Variants in CD82 observed in about 807,000 individuals in gnomAD.
CD82 encodes the protein CD82 molecule.
A neutral mutation model predicts 37.4 loss-of-function variants in CD82; 36 were observed. The ratio of observed to expected loss-of-function variants is 0.96; its 90% CI spans 0.74 to 1.27. The LOEUF (loss-of-function observed/expected upper bound fraction) is 1.27. Among genes scored for constraint, CD82 ranks in the 50% most tolerant of loss-of-function variants. The pLI, the probability that CD82 is intolerant of heterozygous loss-of-function variation, is 0.00. For synonymous variants in CD82, 158 were observed against 137.4 expected, an observed-to-expected ratio of 1.15 and a Z score of -1.05; for missense variants, 340 against 347.0, an observed-to-expected ratio of 0.98 and a Z score of 0.16.
chr11:44,566,755 G>A (rs1000948452), intron 1 of CD82, among the ~76,000 whole-genome samples: 1 of 152,172 alleles, frequency 6.6e-6, no homozygotes, highest in African/African-American at 2.4e-5. Flanking sequence ...TTTGATGCGG[G>A]TGGGCAGGTG....
At chr11:44,573,303 A>G (rs1852842178) in intron 1 of CD82, 1 of 152,240 alleles carries the variant, frequency 6.6e-6, no homozygotes, top group African/African-American at 2.4e-5. Context: ...ATACTAGTAC[A>G]GTTGGAAAAC....
chr11:44,586,885 C>G (rs2134641607), intron 1 of CD82, among the ~76,000 whole-genome samples: 1 of 152,342 alleles, frequency 6.6e-6, no homozygotes, highest in Non-Finnish European at 1.5e-5. Flanking sequence ...CTCTGGGAAA[C>G]AGGGTGAGTG....
intron 1 of CD82, chr11:44,565,976 G>C (rs1852729149): frequency 6.6e-6 from 1 of 152,252 alleles, no homozygotes; most frequent in Non-Finnish European, 1.5e-5. Flanking sequence ...GACCTCCCGG[G>C]TTCCAGCAGG....
intron 7 of CD82, among the ~76,000 whole-genome samples, chr11:44,617,707 C>T (rs1421736729): frequency 6.6e-6 from 1 of 152,180 alleles, no homozygotes; most frequent in Non-Finnish European, 1.5e-5. Flanking sequence ...TTGTGCTCCC[C>T]ACACCTATGC....
Position 44,618,654 on chromosome 11 carries a change from G to C in CD82, c.657G>C (p.Lys219Asn). ...WPVYQEGCME[K>N]VQAWLQENLG... is the part of the protein sequence containing the mutation. Reference sequence around the variant, plus strand: ...TGCCCTTGCAGGGCTGCATGGAGAAGGTGCAGGCGTGGCTGCAGGAGAACC... The same window carrying C: ...TGCCCTTGCAGGGCTGCATGGAGAACGTGCAGGCGTGGCTGCAGGAGAACC... The change falls in exon 9 of 10, where the codon AAG becomes AAC. Residue 219 changes from lysine (K) to asparagine (N), a missense_variant. Transcript: ENST00000227155. 6.2e-7 allele frequency: 1 copy of C among 1,612,280 alleles called. No homozygotes were observed.
intron 2 of CD82, among the ~76,000 whole-genome samples, chr11:44,594,427 G>T (rs1389054119): frequency 2.0e-5 from 3 of 151,948 alleles, no homozygotes; most frequent in Non-Finnish European, 4.4e-5. Context: ...TGCAGTGGCT[G>T]ATCCGGATCC....
intron 1 of CD82, among the ~76,000 whole-genome samples, chr11:44,577,535 G>T (rs1292707528): frequency 6.6e-6 from 1 of 152,082 alleles, no homozygotes; most frequent in South Asian, 2.1e-4. Context: ...CCCCTGCAGG[G>T]TCTGGCAGGG....
intron 3 of CD82, among the ~76,000 whole-genome samples, chr11:44,595,849 T>A (rs1473924333): frequency 6.9e-6 from 1 of 145,298 alleles, no homozygotes; most frequent in African/African-American, 2.6e-5. Flanking sequence ...GCAGGAGGAT[T>A]GTTTGAGTCC....
intron 6 of CD82, among the ~76,000 whole-genome samples, chr11:44,614,251 A>G (rs2134690466): frequency 6.6e-6 from 1 of 152,276 alleles, no homozygotes; most frequent in Non-Finnish European, 1.5e-5. Flanking sequence ...CCCTCCAGGC[A>G]TCTACCCTGC....
intron 7 of CD82, 38 bp from the exon 8 acceptor site, chr11:44,618,124 G>A: frequency 6.3e-7 from 1 of 1,597,320 alleles, no homozygotes; most frequent in Non-Finnish European, 8.6e-7. Context: ...CCTAGGGTGA[G>A]CCGTGAGCAC....
At chr11:44,606,537 C>G (rs560444451) in intron 6 of CD82, 1 of 151,502 alleles carries the variant, frequency 6.6e-6, no homozygotes, top group South Asian at 2.1e-4. Flanking sequence ...CCCCTGGTTG[C>G]AAAAGAGGCT....
intron 1 of CD82, among the ~76,000 whole-genome samples, chr11:44,570,697 G>T (rs984668681): frequency 1.4e-5 from 2 of 138,456 alleles, no homozygotes; most frequent in African/African-American, 5.6e-5. Context: ...CAGAGCTTCT[G>T]CTTCTCTTCC....
intron 1 of CD82, among the ~76,000 whole-genome samples, chr11:44,569,326 C>T (rs991361511): frequency 6.6e-6 from 1 of 152,110 alleles, no homozygotes; most frequent in Non-Finnish European, 1.5e-5. Flanking sequence ...CTGGCTGGTT[C>T]CTGACTCACC....
chr11:44,575,644 G>T (rs1298909368), intron 1 of CD82, among the ~76,000 whole-genome samples: 1 of 152,158 alleles, frequency 6.6e-6, no homozygotes, highest in African/African-American at 2.4e-5. Flanking sequence ...ATGGGGCAGG[G>T]TGGGGTTCTG....
chr11:44,589,198 A>G (rs1033606130), intron 2 of CD82, among the ~76,000 whole-genome samples: 4 of 152,218 alleles, frequency 2.6e-5, no homozygotes, highest in Non-Finnish European at 5.9e-5. Flanking sequence ...GGAGGTTGCC[A>G]TGAGCCAAGA....
chr11:44,597,435 G>T lies in CD82; in HGVS notation c.63+2710G>T, dbSNP rs1244243967. Among the ~76,000 whole-genome samples, 1 of 152,254 alleles carries T rather than the reference G, an allele frequency of 6.6e-6. No individual in the cohort carries two copies. The highest frequency in any genetic ancestry group is 1.5e-5 in the Non-Finnish European group (1 of 68,042). On this transcript the variant is annotated intron_variant, in intron 3 of 9. Transcript: ENST00000227155. The surrounding 1 kb of genome is among the most constrained non-coding windows in gnomAD (Gnocchi z 4.1). ...ACAGAGAAAAAGGGGGTGCCATGGT[G>T]CCTTGCCCATTCTGGTAGGCTGCCC...
intron 3 of CD82, among the ~76,000 whole-genome samples, chr11:44,598,096 T>C (rs948473541): frequency 6.6e-6 from 1 of 152,020 alleles, no homozygotes; most frequent in South Asian, 2.1e-4. Flanking sequence ...AAATTCCGTG[T>C]GTATAAAATG....
intron 2 of CD82, among the ~76,000 whole-genome samples, chr11:44,593,037 G>A (rs960410072): frequency 6.6e-5 from 10 of 152,170 alleles, no homozygotes; most frequent in Non-Finnish European, 1.2e-4. Context: ...AGCTGTTAGA[G>A]GAAAGAAAAC....
rs778852327 is a variant in CD82, at chr11:44,605,440, C to G, written c.336+11C>G. 4.3e-6 allele frequency: 7 copies of G among 1,612,372 alleles called. No individual in the cohort carries two copies. In the South Asian group the frequency reaches 5.5e-5, roughly 13 times the overall value. Reference sequence around the variant, plus strand: ...TTCAACATGGGCAAGGTAAGCCCCTCTCTCCCTCCCTCTTCACTGGGCTGG... The same window carrying G: ...TTCAACATGGGCAAGGTAAGCCCCTGTCTCCCTCCCTCTTCACTGGGCTGG... On this transcript the variant is annotated intron_variant, in intron 6 of 9. Transcript: ENST00000227155.
Sources: allele counts gnomAD v4.1 joint callset (sites outside exome capture counted in the v4.1 genomes callset), GRCh38; gene constraint gnomAD v4.1.1; non-coding constraint Gnocchi (gnomAD v3.1); transcripts MANE v1.5; gene names NCBI Gene and HGNC (gene_info 2026-07-23, HGNC 2026-07-21).